SMYD3: variants seen among roughly 807,000 people sequenced by gnomAD.
SMYD3 encodes histone-lysine N-methyltransferase SMYD3.
In SMYD3, 36 loss-of-function variants were observed where a neutral mutation model predicts 57.7. The observed-to-expected ratio is 0.62, with a 90% CI of 0.48 to 0.82. The LOEUF (loss-of-function observed/expected upper bound fraction) is 0.82. SMYD3 is among the 40% of genes least tolerant of loss of function. The pLI is 0.00. For missense variants in SMYD3, 515 were observed against 538.8 expected (o/e 0.96, Z 0.44); for synonymous variants, 211 against 195.0 (o/e 1.08, Z -0.68).
intron 5 of SMYD3, among the ~76,000 whole-genome samples, chr1:246,166,228 C>CTTT (rs1472137621): frequency 1.3e-5 from 2 of 152,156 alleles, no homozygotes; most frequent in Non-Finnish European, 2.9e-5. Context: ...CTATACTGAA[C>CTTT]GTGAAAAACC....
chr1:246,160,172 C>A (rs574072126), intron 5 of SMYD3, among the ~76,000 whole-genome samples: 26 of 152,258 alleles, frequency 1.7e-4, no homozygotes, highest in African/African-American at 6.0e-4. Flanking sequence ...TGACAGAATC[C>A]ATTCTTCCAA....
chr1:246,345,082 A>T (rs1455973264), intron 2 of SMYD3, among the ~76,000 whole-genome samples: 1 of 152,266 alleles, frequency 6.6e-6, no homozygotes, highest in African/African-American at 2.4e-5. Context: ...AATTTTGATG[A>T]AAATCAATTT....
At position 245,869,373 on chromosome 1, in the gene SMYD3, C is replaced by T. The variant is rs548962722; in HGVS notation, c.814-5487G>A. On this transcript the variant is annotated intron_variant, in intron 8 of 11. Transcript: ENST00000490107. Reference sequence around the variant, plus strand: ...TCTGCCCTGACCCACTGCATGACCCCGGGCAAGTCTTCCTTTTCCTGGCCC... The same window carrying T: ...TCTGCCCTGACCCACTGCATGACCCTGGGCAAGTCTTCCTTTTCCTGGCCC... Among the ~76,000 whole-genome samples, 4 of 152,302 alleles carry T rather than the reference C, an allele frequency of 2.6e-5. No homozygotes were observed. In the East Asian group the frequency reaches 7.7e-4, roughly 29 times the overall value.
intron 5 of SMYD3, among the ~76,000 whole-genome samples, chr1:245,997,275 C>CA (rs2058949197): frequency 6.6e-6 from 1 of 152,202 alleles, no homozygotes; most frequent in Admixed American, 6.5e-5. Flanking sequence ...TACTCTCAGA[C>CA]AGGGGGGATG....
chr1:246,260,476 G>C (rs12124001), intron 5 of SMYD3, among the ~76,000 whole-genome samples: 31,528 of 151,912 alleles, frequency 0.21, 3,977 homozygotes, highest in East Asian at 0.58. Flanking sequence ...TTTTGAGACA[G>C]AGTCTTGTTC....
intron 5 of SMYD3, among the ~76,000 whole-genome samples, chr1:246,284,760 T>A (rs2064526191): frequency 6.6e-6 from 1 of 152,198 alleles, no homozygotes; most frequent in Non-Finnish European, 1.5e-5. Context: ...TGTATTGAGA[T>A]AATCAAATGA....
At chr1:245,806,805 G>C (rs562472900) in intron 10 of SMYD3, among the ~76,000 whole-genome samples, 2 of 150,986 alleles carry the variant, frequency 1.3e-5, no homozygotes, top group African/African-American at 2.4e-5. Flanking sequence ...AGCTACTCGG[G>C]AGGCTGAGGC....
intron 5 of SMYD3, among the ~76,000 whole-genome samples, chr1:246,078,868 T>A (rs2060590117): frequency 6.6e-6 from 1 of 152,212 alleles, no homozygotes; most frequent in South Asian, 2.1e-4. Flanking sequence ...TAAACAATTA[T>A]TTACTGAGCA....
At chr1:246,255,788 TC>T (rs201784380) in intron 5 of SMYD3, among the ~76,000 whole-genome samples, 947 of 89,716 alleles carry the variant, frequency 0.011, 6 homozygotes, top group Non-Finnish European at 0.01. Context: ...TTTTTTTTTT[TC>T]TAGTTGGTAG....
chr1:246,503,954 TAAA>T (rs55709330), intron 1 of SMYD3, among the ~76,000 whole-genome samples: 15 of 128,384 alleles, frequency 1.2e-4, no homozygotes, highest in African/African-American at 4.2e-4. Flanking sequence ...AACTCCATCT[TAAA>T]AAAAAAAAAA....
At chr1:246,168,655 G>A (rs1399882718) in intron 5 of SMYD3, among the ~76,000 whole-genome samples, 1 of 152,094 alleles carries the variant, frequency 6.6e-6, no homozygotes, top group Non-Finnish European at 1.5e-5. Flanking sequence ...CTTTGTGAGA[G>A]GAAAATAAAC....
intron 5 of SMYD3, among the ~76,000 whole-genome samples, chr1:246,055,512 T>G (rs1170665195): frequency 1.3e-5 from 2 of 152,252 alleles, no homozygotes; most frequent in African/African-American, 4.8e-5. Context: ...GTATATAACC[T>G]GAAGAGCTGA....
chr1:246,219,028 T>C (rs1274222832), intron 5 of SMYD3, among the ~76,000 whole-genome samples: 1 of 152,120 alleles, frequency 6.6e-6, no homozygotes, highest in Non-Finnish European at 1.5e-5. Flanking sequence ...GCCTCTCTTT[T>C]ATATAGGTTG....
At chr1:246,386,350 T>C (rs1558437766) in intron 1 of SMYD3, among the ~76,000 whole-genome samples, 1 of 152,226 alleles carries the variant, frequency 6.6e-6, no homozygotes, top group African/African-American at 2.4e-5. Context: ...TTGTGTTTTC[T>C]ACTGGGTGAT....
At chr1:245,804,877 C>A (rs2048063826) in intron 10 of SMYD3, among the ~76,000 whole-genome samples, 1 of 152,166 alleles carries the variant, frequency 6.6e-6, no homozygotes, top group Non-Finnish European at 1.5e-5. Context: ...GAGTAACTTT[C>A]TGTTGTTTAT....
At chr1:246,230,213 T>C (rs914618512) in intron 5 of SMYD3, among the ~76,000 whole-genome samples, 1 of 152,180 alleles carries the variant, frequency 6.6e-6, no homozygotes, top group African/African-American at 2.4e-5. Context: ...GCTCCACATG[T>C]TTACAATTGC....
At chr1:245,814,626 T>C (rs1192512555) in intron 10 of SMYD3, among the ~76,000 whole-genome samples, 1 of 152,136 alleles carries the variant, frequency 6.6e-6, no homozygotes, top group Admixed American at 6.5e-5. Flanking sequence ...TGACTGGCAT[T>C]GCGGAGAAGC....
chr1:246,377,639 G>A (rs944569417), intron 1 of SMYD3, among the ~76,000 whole-genome samples: 4 of 152,136 alleles, frequency 2.6e-5, no homozygotes, highest in African/African-American at 4.8e-5. Context: ...AAAGTGCTGC[G>A]ATTACAGGCG....
rs570794454 is a variant in SMYD3 at position 245,835,113 on chromosome 1, G to A, written c.1076+23383C>T. ...TTGGGCTCAAATCCTAGTTCCTGGGGCAGGTTTCCTTTTTTTTTTTTTTTT... is the reference window on the plus strand; with the variant it reads ...TTGGGCTCAAATCCTAGTTCCTGGGACAGGTTTCCTTTTTTTTTTTTTTTT... On this transcript the variant is annotated intron_variant, in intron 10 of 11. Coordinates refer to ENST00000490107, the MANE Select transcript of SMYD3 (RefSeq NM_001167740.2). Among the ~76,000 whole-genome samples, 79 of 140,766 alleles carry A rather than the reference G, an allele frequency of 5.6e-4. No homozygotes were observed. In the South Asian group the frequency reaches 0.017, roughly 31 times the overall value. 92.3% of individuals were successfully genotyped at this position (140,766 alleles called of 152,430 possible).
Sources: gnomAD v4.1 joint callset for allele counts (sites outside exome capture counted in the v4.1 genomes callset) on GRCh38, gnomAD v4.1.1 for gene constraint, MANE v1.5 for transcripts, NCBI Gene and HGNC (gene_info 2026-07-23, HGNC 2026-07-21) for gene names.